Variants in ANO10 observed in about 807,000 individuals in gnomAD.
ANO10 encodes the protein anoctamin 10.
A neutral mutation model predicts 74.7 loss-of-function variants in ANO10; 77 were observed. The observed-to-expected ratio is 1.03, with a 90% CI of 0.86 to 1.25. The LOEUF is 1.25. Among genes scored for constraint, ANO10 ranks in the 50% most tolerant of loss-of-function variants. The probability of loss-of-function intolerance (pLI) is 0.00; values close to 1 mark genes in which losing one functional copy is unlikely to be tolerated. For synonymous variants in ANO10, 279 were observed against 284.9 expected, an observed-to-expected ratio of 0.98 and a Z score of 0.21; for missense variants, 721 against 778.1, an observed-to-expected ratio of 0.93 and a Z score of 0.87.
chr3:43,617,720 T>C (rs2083188840), intron 1 of ANO10, among the ~76,000 whole-genome samples: 1 of 151,952 alleles, frequency 6.6e-6, no homozygotes, highest in Non-Finnish European at 1.5e-5. Flanking sequence ...TTTTCCTGAA[T>C]TTGGGTAAAG....
chr3:43,423,262 CTATTT>C (rs2092847361), intron 12 of ANO10, among the ~76,000 whole-genome samples: 1 of 152,140 alleles, frequency 6.6e-6, no homozygotes. Flanking sequence ...GCCAGAGTAT[CTATTT>C]TAAGACTCTT....
chr3:43,411,499 G>C (rs973715385), intron 12 of ANO10, among the ~76,000 whole-genome samples: 1 of 152,214 alleles, frequency 6.6e-6, no homozygotes. Context: ...AATATTAGGA[G>C]AGTGGAGCTC....
At chr3:43,502,875 A>G (rs185104449) in intron 11 of ANO10, among the ~76,000 whole-genome samples, 1 of 152,348 alleles carries the variant, frequency 6.6e-6, no homozygotes, top group South Asian at 2.1e-4. Context: ...GATACCTAGT[A>G]TAGTCAAAAT....
intron 1 of ANO10, among the ~76,000 whole-genome samples, chr3:43,650,261 C>A (rs756385764): frequency 6.6e-5 from 10 of 152,124 alleles, no homozygotes; most frequent in Non-Finnish European, 1.3e-4. Flanking sequence ...GGCCATCCAG[C>A]GGCCAATTCT....
intron 1 of ANO10, among the ~76,000 whole-genome samples, chr3:43,635,057 G>C (rs1178802035): frequency 6.6e-6 from 1 of 152,138 alleles, no homozygotes; most frequent in African/African-American, 2.4e-5. Flanking sequence ...GCAGAAGGAT[G>C]ATGAGGAAAG....
chr3:43,562,896 T>G (rs1315493474), intron 8 of ANO10, among the ~76,000 whole-genome samples: 1 of 152,064 alleles, frequency 6.6e-6, no homozygotes, highest in Non-Finnish European at 1.5e-5. Context: ...AGGACATTGG[T>G]CTAAGCAAAG....
chr3:43,508,795 G>T (rs2077395433), intron 11 of ANO10, among the ~76,000 whole-genome samples: 1 of 151,754 alleles, frequency 6.6e-6, no homozygotes, highest in Non-Finnish European at 1.5e-5. Flanking sequence ...GGCCTGTTGT[G>T]GGGTAGGGGG....
chr3:43,549,732 T>C lies in ANO10; in HGVS notation c.1785A>G (p.Val595=). The C allele has an allele frequency of 6.2e-7, 1 of 1,614,032 alleles. No homozygotes were observed. The highest frequency in any genetic ancestry group is 8.5e-7 in the Non-Finnish European group (1 of 1,179,904). Residue 595 remains valine (V), a synonymous_variant, in exon 11 of 13, where the codon GTA becomes GTG. Transcript: ENST00000292246. ...AATCTTTACTTACCTCCACTGCTAC[T>C]ACAATCAAAATGAGGTCTGCTTTTG... The part of the protein sequence containing the change: ...PESKADLILI[V]VAVEHALLAL...
chr3:43,570,753 C>G (rs1298938728), intron 7 of ANO10, among the ~76,000 whole-genome samples: 100 of 144,130 alleles, frequency 6.9e-4, no homozygotes, highest in African/African-American at 2.4e-3. Context: ...CTAGGCATTA[C>G]CATTCAGGAC....
intron 11 of ANO10, chr3:43,484,913 T>TC: frequency 1.4e-6 from 1 of 712,412 alleles, no homozygotes; most frequent in South Asian, 1.8e-5. Flanking sequence ...TATGTCTTTT[T>TC]TTTTTCACCG....
chr3:43,673,208 G>GT (rs1177126931), intron 1 of ANO10, among the ~76,000 whole-genome samples: 2 of 152,136 alleles, frequency 1.3e-5, no homozygotes, highest in Admixed American at 6.5e-5. Context: ...TTAGAACCAA[G>GT]TATTTATTGC....
At chr3:43,612,039 C>G (rs908345141) in intron 1 of ANO10, among the ~76,000 whole-genome samples, 1 of 150,974 alleles carries the variant, frequency 6.6e-6, no homozygotes, top group African/African-American at 2.4e-5. Context: ...CTCCCTACCT[C>G]TAGAATCTCC....
At chr3:43,404,170 C>T (rs1371307230) in intron 12 of ANO10, among the ~76,000 whole-genome samples, 1 of 152,158 alleles carries the variant, frequency 6.6e-6, no homozygotes, top group Non-Finnish European at 1.5e-5. Context: ...CTCAGCTGTC[C>T]CTGAGGCCAG....
At chr3:43,395,984 A>C (rs1219861806) in intron 12 of ANO10, among the ~76,000 whole-genome samples, 2 of 151,696 alleles carry the variant, frequency 1.3e-5, no homozygotes, top group Admixed American at 6.6e-5. Context: ...GATCCATCAG[A>C]TTTTCTGTGC....
intron 11 of ANO10, among the ~76,000 whole-genome samples, chr3:43,469,038 CTTTTTTTTTTTT>C (rs371985258): frequency 5.7e-5 from 4 of 70,366 alleles, no homozygotes; most frequent in East Asian, 1.0e-3. Flanking sequence ...CAATTAGCTG[CTTTTTTTTTTTT>C]TTTTTTTTTT....
At chr3:43,503,509 G>C (rs1261182907) in intron 11 of ANO10, among the ~76,000 whole-genome samples, 1 of 152,142 alleles carries the variant, frequency 6.6e-6, no homozygotes, top group Non-Finnish European at 1.5e-5. Context: ...CTCCCTTCAG[G>C]ATCCATCAGA....
intron 12 of ANO10, among the ~76,000 whole-genome samples, chr3:43,375,364 C>T (rs964866949): frequency 1.1e-4 from 16 of 152,126 alleles, no homozygotes; most frequent in Non-Finnish European, 1.8e-4. Flanking sequence ...AGGAGAATCG[C>T]TTGAACCCGA....
intron 11 of ANO10, among the ~76,000 whole-genome samples, chr3:43,527,036 A>AC (rs2078236508): frequency 1.4e-5 from 2 of 147,178 alleles, no homozygotes; most frequent in South Asian, 4.3e-4. Context: ...ATGGATGTAA[A>AC]ACACACACAC....
chr3:43,690,631 C>T (rs1403385140), intron 1 of ANO10: 2 of 251,700 alleles, frequency 7.9e-6, no homozygotes, highest in East Asian at 1.5e-4. Flanking sequence ...CCCCAAGGTG[C>T]CACCTGACAG....
Sources: gnomAD v4.1 joint callset for allele counts (sites outside exome capture counted in the v4.1 genomes callset) on GRCh38, gnomAD v4.1.1 for gene constraint, MANE v1.5 for transcripts, NCBI Gene and HGNC (gene_info 2026-07-23, HGNC 2026-07-21) for gene names.